The following DIAPH3 variants were observed in gnomAD, a reference collection of about 807,000 sequenced individuals.
The protein encoded by DIAPH3 is diaphanous related formin 3.
In DIAPH3, 117 loss-of-function variants were observed where a neutral mutation model predicts 144.3. The ratio of observed to expected loss-of-function variants is 0.81; its 90% CI spans 0.70 to 0.95. The LOEUF (loss-of-function observed/expected upper bound fraction) is 0.95. DIAPH3 is among the 40% of genes least tolerant of loss of function. The pLI is 0.00. For synonymous variants in DIAPH3, 519 were observed against 488.9 expected (o/e 1.06, Z -0.81); for missense variants, 1,421 against 1,412.7 (o/e 1.01, Z -0.09).
intron 3 of DIAPH3, among the ~76,000 whole-genome samples, chr13:60,101,265 A>G (rs1290792701): frequency 1.3e-5 from 2 of 152,048 alleles, no homozygotes; most frequent in South Asian, 2.1e-4. Flanking sequence ...GTTCTATCTC[A>G]TCTCCCTCAT....
At chr13:60,024,661 C>T (rs1226027459) in intron 5 of DIAPH3, among the ~76,000 whole-genome samples, 1 of 152,046 alleles carries the variant, frequency 6.6e-6, no homozygotes, top group African/African-American at 2.4e-5. Flanking sequence ...TTGGTATGAC[C>T]ATATTTTTTA....
At chr13:60,000,691 A>T (rs1170177701) in intron 9 of DIAPH3, among the ~76,000 whole-genome samples, 1 of 152,206 alleles carries the variant, frequency 6.6e-6, no homozygotes, top group Non-Finnish European at 1.5e-5. Flanking sequence ...AAACCATCAA[A>T]GACAACCAAA....
intron 27 of DIAPH3, among the ~76,000 whole-genome samples, chr13:59,707,888 C>G (rs2138803509): frequency 6.6e-6 from 1 of 152,074 alleles, no homozygotes; most frequent in Admixed American, 6.5e-5. Context: ...AAGGACAATG[C>G]TCCAACAATT....
chr13:59,797,371 TGAAA>T (rs992432016), intron 25 of DIAPH3, among the ~76,000 whole-genome samples: 5 of 152,212 alleles, frequency 3.3e-5, no homozygotes, highest in African/African-American at 9.7e-5. Context: ...AAATATTTGC[TGAAA>T]GAAAGTTTTG....
chr13:59,994,788 G>A (rs1475958684), intron 9 of DIAPH3, among the ~76,000 whole-genome samples: 1 of 151,778 alleles, frequency 6.6e-6, no homozygotes, highest in Non-Finnish European at 1.5e-5. Context: ...GGAGTAACGG[G>A]AAGAAGTCAA....
rs572924800 is a variant in DIAPH3, at chr13:60,038,869, T to C, written c.626+3821A>G. Among the ~76,000 whole-genome samples, 9 of 84,036 alleles carry C rather than the reference T, an allele frequency of 1.1e-4. No individual in the cohort carries two copies. The East Asian group carries it at 1.5e-3, about 14-fold the overall frequency. The allele number at this position is 84,036 out of a possible 152,430, so 55.1% of individuals were successfully genotyped here. Reference sequence around the variant, plus strand: ...TATATGCATAGATGAGTATGATCTATAAATGCTGATATCAATCAAAATGAT... The same window carrying C: ...TATATGCATAGATGAGTATGATCTACAAATGCTGATATCAATCAAAATGAT... On this transcript the variant is annotated intron_variant, in intron 5 of 27. Coordinates refer to ENST00000400324, the MANE Select transcript of DIAPH3 (RefSeq NM_001042517.2).
intron 4 of DIAPH3, among the ~76,000 whole-genome samples, chr13:60,091,770 C>T (rs868533116): frequency 1.3e-5 from 2 of 152,102 alleles, no homozygotes; most frequent in Admixed American, 6.5e-5. Context: ...ACCACTGCTA[C>T]CACAAGAGGC....
At chr13:60,014,173 T>G (rs1406089277) in intron 7 of DIAPH3, among the ~76,000 whole-genome samples, 1 of 152,136 alleles carries the variant, frequency 6.6e-6, no homozygotes. Flanking sequence ...TTAAAAAAAG[T>G]TCCTAGATTT....
chr13:59,670,329 G>C (rs1453035413), intron 27 of DIAPH3, among the ~76,000 whole-genome samples: 1 of 152,126 alleles, frequency 6.6e-6, no homozygotes, highest in African/African-American at 2.4e-5. Context: ...GATGTTTATA[G>C]CTTTCTTAGA....
chr13:59,676,368 G>A (rs1281731267), intron 27 of DIAPH3, among the ~76,000 whole-genome samples: 1 of 152,074 alleles, frequency 6.6e-6, no homozygotes, highest in African/African-American at 2.4e-5. Flanking sequence ...TTAGTCACTG[G>A]CTCTGTTGAT....
chr13:59,823,547 T>C (rs975626924), intron 24 of DIAPH3, among the ~76,000 whole-genome samples: 3 of 152,158 alleles, frequency 2.0e-5, no homozygotes, highest in African/African-American at 7.2e-5. Context: ...TAAGCAAGGA[T>C]AGAAGATGCT....
intron 9 of DIAPH3, among the ~76,000 whole-genome samples, chr13:60,008,164 C>T (rs1403012243): frequency 1.3e-5 from 2 of 151,972 alleles, no homozygotes; most frequent in Non-Finnish European, 2.9e-5. Context: ...GAGGCCGACG[C>T]GGGTAGATCA....
Position 60,129,053 on chromosome 13 carries a change from A to G in DIAPH3, c.213+3904T>C, listed in dbSNP as rs537719864. On this transcript the variant is annotated intron_variant, in intron 2 of 27. Transcript: ENST00000400324. ...AGATGAACAAAGAGATGAGGATCAT[A>G]GAAGTACTATACTGTAGACAAATGG... Among the ~76,000 whole-genome samples, 9 of 152,306 alleles carry G rather than the reference A, an allele frequency of 5.9e-5. No individual in the cohort carries two copies. In the South Asian group the frequency reaches 1.9e-3, roughly 32 times the overall value.
chr13:60,157,563 T>C (rs1952091074), intron 1 of DIAPH3, among the ~76,000 whole-genome samples: 1 of 152,236 alleles, frequency 6.6e-6, no homozygotes, highest in Admixed American at 6.5e-5. Context: ...TGTCTATTAA[T>C]GCTTACAACT....
intron 4 of DIAPH3, among the ~76,000 whole-genome samples, chr13:60,093,062 G>GC (rs1279444954): frequency 6.6e-6 from 1 of 152,150 alleles, no homozygotes; most frequent in Non-Finnish European, 1.5e-5. Flanking sequence ...TGAAATAAAT[G>GC]CAATTGATTC....
intron 5 of DIAPH3, among the ~76,000 whole-genome samples, chr13:60,037,640 A>G (rs2141155520): frequency 6.6e-6 from 1 of 152,172 alleles, no homozygotes; most frequent in African/African-American, 2.4e-5. Flanking sequence ...GGATGAATAT[A>G]GAAAAGGAAG....
In DIAPH3 at chr13:59,741,716, GAA is replaced by G. The variant is rs1324165854; in HGVS notation, c.3319+32471_3319+32472del. Reference sequence around the variant, plus strand: ...TGGGCAACAAAGCAAAAAAAAAAAAGAAAGAAAGAAAAGAGAAAAAAGAGGGT... The same window carrying G: ...TGGGCAACAAAGCAAAAAAAAAAAAGAGAAAGAAAAGAGAAAAAAGAGGGT... On this transcript the variant is annotated intron_variant, in intron 27 of 27. Transcript: ENST00000400324. Among the ~76,000 whole-genome samples the G allele has an allele frequency of 3.4e-5, 5 of 146,336 alleles. 1 individual carries two copies. The South Asian group carries it at 1.1e-3, about 32-fold the overall frequency.
chr13:59,864,713 CA>C (rs1383471911), intron 21 of DIAPH3, among the ~76,000 whole-genome samples: 1 of 151,970 alleles, frequency 6.6e-6, no homozygotes, highest in Non-Finnish European at 1.5e-5. Flanking sequence ...ATACTCAAGT[CA>C]AACACAGATT....
At chr13:59,793,014 C>G (rs1173137814) in intron 25 of DIAPH3, among the ~76,000 whole-genome samples, 1 of 152,198 alleles carries the variant, frequency 6.6e-6, no homozygotes, top group Non-Finnish European at 1.5e-5. Flanking sequence ...TACATGCTTA[C>G]ACACTTCACT....
Sources: allele counts gnomAD v4.1 joint callset (sites outside exome capture counted in the v4.1 genomes callset), GRCh38; gene constraint gnomAD v4.1.1; transcripts MANE v1.5; gene names NCBI Gene and HGNC (gene_info 2026-07-23, HGNC 2026-07-21).